TCF12: variants seen among roughly 807,000 people sequenced by gnomAD.
TCF12 encodes the protein transcription factor 12, also known as DNA-binding protein HTF4.
A neutral mutation model predicts 86.0 loss-of-function variants in TCF12; 45 were observed. That is an observed-to-expected ratio of 0.52 (90% CI 0.41 to 0.67). TCF12 has a LOEUF of 0.67. Ranked by LOEUF, TCF12 falls within the 30% of genes least tolerant of loss-of-function variation. The pLI, the probability that TCF12 is intolerant of heterozygous loss-of-function variation, is 0.00. For synonymous variants in TCF12, 330 were observed against 299.6 expected (o/e 1.10, Z -1.05); for missense variants, 881 against 859.9 (o/e 1.02, Z -0.31).
intron 5 of TCF12, among the ~76,000 whole-genome samples, chr15:57,103,933 G>A (rs779344421): frequency 2.0e-5 from 3 of 152,082 alleles, no homozygotes; most frequent in East Asian, 1.9e-4. Context: ...GCTTGAACCC[G>A]GGAGGTGGAG....
intron 8 of TCF12, among the ~76,000 whole-genome samples, chr15:57,217,858 A>G (rs2058395225): frequency 6.6e-6 from 1 of 152,156 alleles, no homozygotes; most frequent in Admixed American, 6.6e-5. Flanking sequence ...CTTTTTACAC[A>G]GTTCTCCAAG....
At chr15:56,937,555 CTT>C (rs1361101785) in intron 3 of TCF12, among the ~76,000 whole-genome samples, 1 of 151,626 alleles carries the variant, frequency 6.6e-6, no homozygotes, top group Admixed American at 6.6e-5. Context: ...CTTTCTTTCT[CTT>C]GTCGGGTTCT....
At chr15:57,051,577 G>C (rs768623349) in intron 3 of TCF12, among the ~76,000 whole-genome samples, 7 of 152,002 alleles carry the variant, frequency 4.6e-5, no homozygotes, top group South Asian at 2.1e-4. Context: ...TCCTGCCTCT[G>C]CTTCCCAAAG....
chr15:56,957,729 G>A (rs187308954), intron 3 of TCF12, among the ~76,000 whole-genome samples: 13 of 151,872 alleles, frequency 8.6e-5, no homozygotes, highest in Middle Eastern at 3.4e-3. Context: ...TTTTTTATCT[G>A]CCCTGTAATT....
intron 5 of TCF12, among the ~76,000 whole-genome samples, chr15:57,131,592 CT>C (rs2052127445): frequency 6.6e-6 from 1 of 152,182 alleles, no homozygotes; most frequent in Non-Finnish European, 1.5e-5. Context: ...TAAATGACCA[CT>C]TATAACAATA....
At chr15:57,089,699 C>T (rs148789658) in intron 4 of TCF12, among the ~76,000 whole-genome samples, 2 of 150,944 alleles carry the variant, frequency 1.3e-5, no homozygotes, top group African/African-American at 2.5e-5. Flanking sequence ...AAATGTGTAG[C>T]GTGAACAATG....
chr15:57,160,923 C>CT (rs1305581626), intron 5 of TCF12, among the ~76,000 whole-genome samples: 4 of 152,146 alleles, frequency 2.6e-5, no homozygotes, highest in Admixed American at 2.6e-4. Flanking sequence ...CTCCTGAGCT[C>CT]TAGCAGTCCT....
intron 3 of TCF12, among the ~76,000 whole-genome samples, chr15:56,962,780 C>T (rs1483008840): frequency 4.6e-5 from 7 of 152,080 alleles, no homozygotes; most frequent in African/African-American, 1.7e-4. Context: ...TGGAATCCTA[C>T]CAGATATTTA....
intron 6 of TCF12, among the ~76,000 whole-genome samples, chr15:57,183,197 A>G (rs1299024471): frequency 6.6e-6 from 1 of 152,142 alleles, no homozygotes; most frequent in African/African-American, 2.4e-5. Context: ...TACAATGAAC[A>G]CCCATGTGAA....
At chr15:57,234,520 C>G (rs2059302727) in intron 12 of TCF12, among the ~76,000 whole-genome samples, 1 of 151,942 alleles carries the variant, frequency 6.6e-6, no homozygotes, top group Non-Finnish European at 1.5e-5. Flanking sequence ...GTCAACTGCA[C>G]CTGATTTACT....
intron 3 of TCF12, among the ~76,000 whole-genome samples, chr15:56,939,054 C>T (rs1457091186): frequency 6.6e-6 from 1 of 152,190 alleles, no homozygotes; most frequent in African/African-American, 2.4e-5. Flanking sequence ...CCTCACCTGA[C>T]CTCCTACTTC....
At chr15:57,167,115 G>A (rs1452408374) in intron 6 of TCF12, among the ~76,000 whole-genome samples, 2 of 152,218 alleles carry the variant, frequency 1.3e-5, no homozygotes, top group Admixed American at 6.5e-5. Flanking sequence ...TGCTCTACAT[G>A]AGGGCCCACC....
intron 3 of TCF12, among the ~76,000 whole-genome samples, chr15:56,990,573 G>T (rs1890803390): frequency 6.6e-6 from 1 of 151,858 alleles, no homozygotes. Context: ...AAAAAATATT[G>T]GATCTACAGG....
intron 4 of TCF12, chr15:57,072,714 AG>A: frequency 2.3e-6 from 3 of 1,305,234 alleles, no homozygotes; most frequent in Non-Finnish European, 3.0e-6. Context: ...AGAGAATTAA[AG>A]TAAGTGTTTT....
At chr15:57,264,738 C>A (rs1229211193) in intron 18 of TCF12, among the ~76,000 whole-genome samples, 1 of 151,912 alleles carries the variant, frequency 6.6e-6, no homozygotes. Context: ...TTCTGGAATA[C>A]CTCCTAAAGG....
At chr15:57,226,838 A>C (rs199739634) in intron 8 of TCF12, among the ~76,000 whole-genome samples, 1 of 152,300 alleles carries the variant, frequency 6.6e-6, no homozygotes, top group East Asian at 1.9e-4. Context: ...CAGTATTTAA[A>C]TAAAATAAAA....
At chr15:57,255,873 T>C (rs2152031275) in intron 16 of TCF12, among the ~76,000 whole-genome samples, 1 of 152,352 alleles carries the variant, frequency 6.6e-6, no homozygotes, top group Non-Finnish European at 1.5e-5. Flanking sequence ...TAGTCTGAGC[T>C]GCAACATTAG....
chr15:57,231,068 C>A, intron 8 of TCF12, 84 bp from the exon 9 acceptor site: 1 of 992,898 alleles, frequency 1.0e-6, no homozygotes, highest in Non-Finnish European at 1.5e-6. Flanking sequence ...CCTTTTTAAG[C>A]CCCTTACAGA....
chr15:57,134,017 T>C (rs1277827538), intron 5 of TCF12, among the ~76,000 whole-genome samples: 1 of 152,256 alleles, frequency 6.6e-6, no homozygotes, highest in African/African-American at 2.4e-5. Flanking sequence ...TGATGTATTT[T>C]TAAGCTTTCA....
Sources: gnomAD v4.1 joint callset for allele counts (sites outside exome capture counted in the v4.1 genomes callset) on GRCh38, gnomAD v4.1.1 for gene constraint, MANE v1.5 for transcripts, NCBI Gene and HGNC (gene_info 2026-07-23, HGNC 2026-07-21) for gene names.